Variants in NTM observed in about 807,000 individuals in gnomAD.
The protein encoded by NTM is neurotrimin.
NTM carries 13 observed loss-of-function variants against 42.1 expected under a neutral mutation model. The observed-to-expected ratio is 0.31, with a 90% CI of 0.20 to 0.49. NTM has a LOEUF of 0.49. Among genes scored for constraint, NTM ranks in the 20% least tolerant of loss-of-function variants. The pLI, the probability that NTM is intolerant of heterozygous loss-of-function variation, is 0.99. For missense variants in NTM, 373 were observed against 452.8 expected, an observed-to-expected ratio of 0.82 and a Z score of 1.60; for synonymous variants, 187 against 179.2, an observed-to-expected ratio of 1.04 and a Z score of -0.35.
At chr11:132,203,677 G>A (rs1052038763) in intron 3 of NTM, among the ~76,000 whole-genome samples, 1 of 152,084 alleles carries the variant, frequency 6.6e-6, no homozygotes, top group Admixed American at 6.6e-5. Flanking sequence ...AGATCACGAG[G>A]TCAGGAGATC....
chr11:132,184,073 C>T (rs536667994), intron 3 of NTM, among the ~76,000 whole-genome samples: 25 of 152,198 alleles, frequency 1.6e-4, no homozygotes, highest in African/African-American at 6.0e-4. Flanking sequence ...GAAAGTGGAG[C>T]TGAAGATTTT....
In NTM at chr11:132,335,858, A is replaced by G. The variant is rs1377217860; in HGVS notation, c.*712A>G. On this transcript the variant is annotated 3_prime_UTR_variant, in exon 9 of 9. Coordinates refer to ENST00000683400, the MANE Select transcript of NTM (RefSeq NM_001352005.2). ...CTTACTGCAAAAACAAGACAAAACT[A>G]AAAAAATACAACTGAGAAGGGTGAA... 6.6e-6 allele frequency: 1 copy of G among 152,570 alleles called. No homozygotes were observed. Among genetic ancestry groups the G allele is most frequent in the Non-Finnish European group, 1.5e-5 (1 of 68,030 alleles). 9.5% of individuals were successfully genotyped at this position (152,570 alleles called of 1,614,324 possible).
At chr11:131,547,795 A>G (rs74978642) in intron 1 of NTM, among the ~76,000 whole-genome samples, 2,182 of 152,276 alleles carry the variant, frequency 0.014, 59 homozygotes, top group African/African-American at 0.048. Context: ...CGCAACTCCA[A>G]CAGACTTGGA....
At chr11:131,707,913 G>A (rs1290362390) in intron 1 of NTM, among the ~76,000 whole-genome samples, 1 of 152,090 alleles carries the variant, frequency 6.6e-6, no homozygotes, top group Non-Finnish European at 1.5e-5. Flanking sequence ...GAAAGTTTTA[G>A]ACAGAGCAAT....
At chr11:132,100,533 G>A (rs1591511168) in intron 2 of NTM, among the ~76,000 whole-genome samples, 1 of 152,304 alleles carries the variant, frequency 6.6e-6, no homozygotes, top group East Asian at 1.9e-4. Flanking sequence ...GGGGTGGCAG[G>A]AAGCAGGCCA....
intron 1 of NTM, among the ~76,000 whole-genome samples, chr11:131,826,360 C>T (rs2042125212): frequency 6.6e-6 from 1 of 151,932 alleles, no homozygotes; most frequent in Non-Finnish European, 1.5e-5. Flanking sequence ...GTAAAATTGA[C>T]AAATGCCATG....
At chr11:132,254,837 T>C (rs2092336734) in intron 4 of NTM, among the ~76,000 whole-genome samples, 1 of 152,224 alleles carries the variant, frequency 6.6e-6, no homozygotes, top group African/African-American at 2.4e-5. Flanking sequence ...CTTGGCGCCA[T>C]TGATATTTAG....
In NTM at chr11:131,551,543, C is replaced by G. The variant is rs770963580; in HGVS notation, c.82+180655C>G. 4.5e-4 allele frequency among the ~76,000 whole-genome samples: 68 copies of G among 152,250 alleles called. 3 individuals carry two copies. In the Middle Eastern group the frequency reaches 0.01, roughly 23 times the overall value. ...CCTTGCAGCTGAAAACCCAATTTAG[C>G]ATTGGTAAAACCAGTGTGTTTCAGA... On this transcript the variant is annotated intron_variant, in intron 1 of 8. Transcript: ENST00000683400.
At position 131,734,230 on chromosome 11, in the gene NTM, G is replaced by C. The variant is rs1443784414; in HGVS notation, c.83-177334G>C. On this transcript the variant is annotated intron_variant, in intron 1 of 8. Transcript: ENST00000683400. ...CTGAGTTCCTAGGTGAACTGAGGCT[G>C]TCCTTTCAGTGGTCACTCCAGAAAC... is the stretch of plus-strand genomic sequence containing the variant. Among the ~76,000 whole-genome samples, 6 of 152,262 alleles carry C rather than the reference G, an allele frequency of 3.9e-5. No homozygotes were observed. The South Asian group carries it at 1.2e-3, about 32-fold the overall frequency.
chr11:132,069,643 G>A (rs112969840), intron 2 of NTM, among the ~76,000 whole-genome samples: 38,134 of 143,858 alleles, frequency 0.27, 6,279 homozygotes, highest in African/African-American at 0.35. Context: ...TAGTTAACAG[G>A]TCACCCAGCC....
At chr11:131,447,413 G>A (rs1323917166) in intron 1 of NTM, among the ~76,000 whole-genome samples, 1 of 152,130 alleles carries the variant, frequency 6.6e-6, no homozygotes, top group East Asian at 1.9e-4. Context: ...TGCCTCTTCA[G>A]AGGCTCCGAA....
Position 132,314,620 on chromosome 11 carries a change from A to ATGTC in NTM, c.853_856dup (p.Ser286CysfsTer3). The ATGTC allele has an allele frequency of 6.2e-7, 1 of 1,613,982 alleles. No individual in the cohort carries two copies. The highest frequency in any genetic ancestry group is 8.5e-7 in the Non-Finnish European group (1 of 1,179,924). On this transcript the variant is annotated frameshift_variant, in exon 7 of 9. Transcript: ENST00000683400. LOFTEE classifies it high-confidence loss of function. ...TTCCTCTCAAAACTCATCTTCTTCA[A>ATGTC]TGTCTCTGAACATGACTATGGGAAC...
chr11:131,424,600 C>CTTTCTTTTTTTTTTTTTTTTTTTTTT (rs1947878678), intron 1 of NTM, among the ~76,000 whole-genome samples: 1 of 56,052 alleles, frequency 1.8e-5, no homozygotes, highest in Non-Finnish European at 3.2e-5. Context: ...CTTTTCTTTT[C>CTTTCTTTTTTTTTTTTTTTTTTTTTT]TTTTTTTTTT....
At chr11:131,391,759 C>T (rs1027558419) in intron 1 of NTM, among the ~76,000 whole-genome samples, 6 of 151,868 alleles carry the variant, frequency 4.0e-5, no homozygotes, top group African/African-American at 1.5e-4. Flanking sequence ...TTTCTACACC[C>T]GTGACAGGTA....
At chr11:131,799,035 G>A (rs987389790) in intron 1 of NTM, among the ~76,000 whole-genome samples, 1 of 152,144 alleles carries the variant, frequency 6.6e-6, no homozygotes, top group African/African-American at 2.4e-5. Flanking sequence ...CAGAAAAAAG[G>A]GCAGACAGAA....
At chr11:131,759,683 T>A (rs1439583792) in intron 1 of NTM, among the ~76,000 whole-genome samples, 3 of 151,892 alleles carry the variant, frequency 2.0e-5, no homozygotes, top group Admixed American at 1.3e-4. Flanking sequence ...TTTTTTTTTT[T>A]AATGATTTTA....
chr11:131,768,124 T>A (rs977813949), intron 1 of NTM, among the ~76,000 whole-genome samples: 5 of 75,868 alleles, frequency 6.6e-5, no homozygotes, highest in Non-Finnish European at 1.5e-4. Context: ...AAAACTTATT[T>A]TTTTTTTTTT....
intron 2 of NTM, among the ~76,000 whole-genome samples, chr11:131,955,145 GTACCCTGA>G (rs1489542291): frequency 6.6e-6 from 1 of 152,114 alleles, no homozygotes; most frequent in East Asian, 1.9e-4. Context: ...CTTCAGGAAG[GTACCCTGA>G]GCACCTCCAC....
intron 2 of NTM, among the ~76,000 whole-genome samples, chr11:132,039,181 A>G (rs1370235764): frequency 6.6e-6 from 1 of 151,888 alleles, no homozygotes; most frequent in Non-Finnish European, 1.5e-5. Flanking sequence ...ACTGCCTCCC[A>G]CCCAATTGGA....
Sources: gnomAD v4.1 joint callset for allele counts (sites outside exome capture counted in the v4.1 genomes callset) on GRCh38, gnomAD v4.1.1 for gene constraint, MANE v1.5 for transcripts, NCBI Gene and HGNC (gene_info 2026-07-23, HGNC 2026-07-21) for gene names.